TATDN3: variants seen among roughly 807,000 people sequenced by gnomAD.
TATDN3 encodes the protein TatD DNase domain containing 3.
Under a neutral mutation model 40.1 loss-of-function variants are expected in TATDN3, and 29 were observed. The ratio of observed to expected loss-of-function variants is 0.72; its 90% CI spans 0.54 to 0.99. TATDN3 has a LOEUF of 0.99. TATDN3 is among the 50% of genes least tolerant of loss of function. The pLI is 0.00. For missense variants in TATDN3, 309 were observed against 321.9 expected (o/e 0.96, Z 0.31); for synonymous variants, 105 against 117.0 (o/e 0.90, Z 0.66).
intron 7 of TATDN3, among the ~76,000 whole-genome samples, chr1:212,806,463 T>A (rs188160338): frequency 3.4e-5 from 5 of 147,098 alleles, no homozygotes; most frequent in Admixed American, 1.4e-4. Flanking sequence ...CTCCACCTCC[T>A]GGGCTCAAGA....
chr1:212,813,106 A>G (rs1329647613), intron 9 of TATDN3, among the ~76,000 whole-genome samples: 14 of 152,240 alleles, frequency 9.2e-5, no homozygotes, highest in Middle Eastern at 3.4e-3. Context: ...ATGAGTGTTC[A>G]TTTTTCTTCT....
chr1:212,796,438 G>A, intron 2 of TATDN3, 79 bp from the exon 3 acceptor site: 5 of 1,095,540 alleles, frequency 4.6e-6, no homozygotes, highest in Non-Finnish European at 6.2e-6. Flanking sequence ...TAACTAAAAT[G>A]CAGAGAAAAC....
At chr1:212,813,194 C>A (rs947575511) in intron 9 of TATDN3, among the ~76,000 whole-genome samples, 2 of 152,040 alleles carry the variant, frequency 1.3e-5, no homozygotes, top group Non-Finnish European at 2.9e-5. Context: ...TTTATATGAT[C>A]TTTGCTGTTA....
At chr1:212,809,746 A>G (rs1662752691) in intron 8 of TATDN3, among the ~76,000 whole-genome samples, 1 of 151,284 alleles carries the variant, frequency 6.6e-6, no homozygotes. Context: ...AAATTGGGCT[A>G]GGCACTGTGG....
At chr1:212,801,263 G>A (rs1662161938) in intron 4 of TATDN3, among the ~76,000 whole-genome samples, 1 of 151,934 alleles carries the variant, frequency 6.6e-6, no homozygotes, top group South Asian at 2.1e-4. Flanking sequence ...CTTATGAAGG[G>A]AGTGGGGATA....
intron 2 of TATDN3, among the ~76,000 whole-genome samples, chr1:212,795,992 T>C (rs1325107075): frequency 6.6e-6 from 1 of 152,232 alleles, no homozygotes; most frequent in Non-Finnish European, 1.5e-5. Context: ...GGTCCATCTT[T>C]CAGTTTTTAA....
rs1439734586 is a variant in TATDN3 at position 212,806,795 on chromosome 1, CACACATATAT to C, written c.488-917_488-908del. ...ATATATATATATATACACACACACA[CACACATATAT>C]ACACATATATACACATATATACATA... On this transcript the variant is annotated intron_variant, in intron 7 of 9. Transcript: ENST00000366974. Among the ~76,000 whole-genome samples the C allele has an allele frequency of 8.2e-5, 8 of 96,982 alleles. 1 individual carries two copies. The highest frequency in any genetic ancestry group is 1.1e-4 in the African/African-American group (3 of 27,188). The allele number at this position is 96,982 out of a possible 152,430, so 63.6% of individuals were successfully genotyped here.
chr1:212,810,544 G>A (rs867922332), intron 8 of TATDN3, among the ~76,000 whole-genome samples: 3 of 141,110 alleles, frequency 2.1e-5, no homozygotes, highest in African/African-American at 2.6e-5. Context: ...AAAATTAGCC[G>A]AGTGTGGTGG....
intron 1 of TATDN3, 196 bp from the exon 2 acceptor site, chr1:212,794,899 G>A: frequency 4.5e-6 from 3 of 660,100 alleles, no homozygotes; most frequent in Middle Eastern, 2.5e-4. Flanking sequence ...CTGTTTTAGT[G>A]CTGGGAACAG....
rs751499382 is a variant in TATDN3, at chr1:212,812,286, A to G, written c.639A>G (p.Ile213Met). 10 of 1,583,946 alleles carry G rather than the reference A, an allele frequency of 6.3e-6. No homozygotes were observed. The highest frequency in any genetic ancestry group is 4.1e-5 in the African/African-American group (3 of 72,830). The change falls in exon 9 of 10, where the codon ATA (isoleucine) becomes ATG (methionine). Residue 213 changes from isoleucine to methionine, a missense_variant. Ile to Met is a conservative substitution (Grantham distance 10). Transcript: ENST00000366974. ...KLVKQLPLTS[I>M]CLETDSPALG... Reference sequence around the variant, plus strand: ...TGAAACAATTGCCTTTAACTTCTATATGCTTAGAAACAGATTCACCTGCAC... The same window carrying G: ...TGAAACAATTGCCTTTAACTTCTATGTGCTTAGAAACAGATTCACCTGCAC...
chr1:212,808,525 C>T (rs913880662), intron 8 of TATDN3, among the ~76,000 whole-genome samples: 1 of 151,896 alleles, frequency 6.6e-6, no homozygotes, highest in South Asian at 2.1e-4. Context: ...AGTGAAAATA[C>T]AACCCATAGA....
intron 2 of TATDN3, among the ~76,000 whole-genome samples, chr1:212,796,247 C>G (rs1306902012): frequency 6.6e-6 from 1 of 152,118 alleles, no homozygotes; most frequent in Non-Finnish European, 1.5e-5. Context: ...TGACCTTGGG[C>G]AAGTTATTCG....
At chr1:212,798,229 G>A (rs1271379602) in intron 4 of TATDN3, among the ~76,000 whole-genome samples, 1 of 151,970 alleles carries the variant, frequency 6.6e-6, no homozygotes, top group Non-Finnish European at 1.5e-5. Flanking sequence ...GGGAGACTAA[G>A]GTGGGAGAAT....
chr1:212,801,864 C>T (rs151006716), intron 4 of TATDN3, among the ~76,000 whole-genome samples: 4 of 152,116 alleles, frequency 2.6e-5, no homozygotes, highest in Non-Finnish European at 5.9e-5. Flanking sequence ...CCTTAACTTA[C>T]CCTCCTTCAT....
chr1:212,799,257 C>T (rs12128410), intron 4 of TATDN3, among the ~76,000 whole-genome samples: 25,236 of 151,818 alleles, frequency 0.17, 2,215 homozygotes, highest in East Asian at 0.24. Context: ...AGTACCAAGA[C>T]GTAATTTATG....
intron 4 of TATDN3, among the ~76,000 whole-genome samples, chr1:212,801,492 T>C (rs1662175076): frequency 6.6e-6 from 1 of 152,226 alleles, no homozygotes; most frequent in Non-Finnish European, 1.5e-5. Context: ...TAAATCTGTT[T>C]TGCTTTTTCA....
intron 3 of TATDN3, 121 bp from the exon 4 acceptor site, chr1:212,796,991 C>A: frequency 1.4e-6 from 1 of 719,886 alleles, no homozygotes; most frequent in Non-Finnish European, 2.4e-6. Context: ...CTGGTTCAGC[C>A]TCCCAAAGTG....
chr1:212,801,404 T>C (rs979378503), intron 4 of TATDN3, among the ~76,000 whole-genome samples: 7 of 152,228 alleles, frequency 4.6e-5, no homozygotes, highest in Admixed American at 2.0e-4. Flanking sequence ...TATATTCTAC[T>C]ATTAATTTCT....
chr1:212,812,399 A>G (rs1043044650), intron 9 of TATDN3, 71 bp downstream of exon 9: 1 of 856,940 alleles, frequency 1.2e-6, no homozygotes, highest in African/African-American at 1.8e-5. Flanking sequence ...ATTTAGCTGT[A>G]TTTCTCATTA....
Sources: gnomAD v4.1 joint callset for allele counts (sites outside exome capture counted in the v4.1 genomes callset) on GRCh38, gnomAD v4.1.1 for gene constraint, MANE v1.5 for transcripts, NCBI Gene and HGNC (gene_info 2026-07-23, HGNC 2026-07-21) for gene names.